PGM3: variants seen among roughly 807,000 people sequenced by gnomAD.
PGM3 encodes phosphoacetylglucosamine mutase.
PGM3 carries 40 observed loss-of-function variants against 66.2 expected under a neutral mutation model. The observed-to-expected ratio is 0.60, with a 90% CI of 0.47 to 0.79. The LOEUF (loss-of-function observed/expected upper bound fraction) is 0.79. Among genes scored for constraint, PGM3 ranks in the 30% least tolerant of loss-of-function variants. The pLI is 0.00. For synonymous variants in PGM3, 191 were observed against 224.2 expected, an observed-to-expected ratio of 0.85 and a Z score of 1.32; for missense variants, 537 against 643.4, an observed-to-expected ratio of 0.83 and a Z score of 1.79.
At chr6:83,172,677 C>CA (rs1409088966) in intron 10 of PGM3, among the ~76,000 whole-genome samples, 108 of 151,824 alleles carry the variant, frequency 7.1e-4, no homozygotes, top group African/African-American at 2.5e-3. Flanking sequence ...ACAACAACAA[C>CA]AACAAAAAAA....
At chr6:83,179,380 T>G (rs151221645) in intron 7 of PGM3, among the ~76,000 whole-genome samples, 1 of 152,124 alleles carries the variant, frequency 6.6e-6, no homozygotes, top group African/African-American at 2.4e-5. Context: ...AATTTCCAAT[T>G]ACATTGTGTA....
rs1786201086 is a variant in PGM3 at position 83,167,887 on chromosome 6, G to A, written c.*1347C>T. On this transcript the variant is annotated 3_prime_UTR_variant, in exon 13 of 13. Coordinates refer to ENST00000513973, the MANE Select transcript of PGM3 (RefSeq NM_015599.3). ...AAAAATCCAGAGGAAGACAACTCAG[G>A]GAGAACATTGGGTTGGGAGCCAGGG... is the stretch of plus-strand genomic sequence containing the variant. 1 of 1,611,294 alleles carries A rather than the reference G, an allele frequency of 6.2e-7. No homozygotes were observed. The highest frequency in any genetic ancestry group is 1.3e-5 in the African/African-American group (1 of 74,964).
Position 83,179,931 on chromosome 6 carries a change from A to G in PGM3, c.824T>C (p.Phe275Ser). ...AACAATTCTGTCTGCATCTCCATCAAAAGAACAGCATCTTTCATTGGACTT... is the reference window on the plus strand; with the variant it reads ...AACAATTCTGTCTGCATCTCCATCAGAAGAACAGCATCTTTCATTGGACTT... ...EIKSNERCCS[F>S]DGDADRIVYY... is the part of the protein sequence containing the mutation. The change falls in exon 7 of 13, where the codon TTT becomes TCT. Residue 275 changes from phenylalanine (F) to serine (S), a missense_variant. Coordinates refer to ENST00000513973, the MANE Select transcript of PGM3 (RefSeq NM_015599.3). The G allele has an allele frequency of 6.2e-7, 1 of 1,611,694 alleles. No individual in the cohort carries two copies. The highest frequency in any genetic ancestry group is 8.5e-7 in the Non-Finnish European group (1 of 1,178,638).
At position 83,182,931 on chromosome 6, in the gene PGM3, G is replaced by C. The variant is rs142161221; in HGVS notation, c.505C>G (p.Arg169Gly). Reference protein sequence around the residue: ...TPQLHYMVYCRNTGGRYGKAT... With the variant: ...TPQLHYMVYCGNTGGRYGKAT... ...TTTCCATATCGGCCACCCGTGTTTCGACAATACACCATGTAGTGCAGCTGG... is the reference window on the plus strand; with the variant it reads ...TTTCCATATCGGCCACCCGTGTTTCCACAATACACCATGTAGTGCAGCTGG... Residue 169 changes from arginine to glycine, a missense_variant, in exon 5 of 13, where the codon CGA becomes GGA. By Grantham distance (125) the Arg-to-Gly change is moderately radical. Transcript: ENST00000513973. 5.0e-6 allele frequency: 8 copies of C among 1,613,684 alleles called. No homozygotes were observed. The Admixed American group carries it at 5.0e-5, about 10-fold the overall frequency.
At position 83,178,730 on chromosome 6, in the gene PGM3, A is replaced by G. The variant is rs2128493783; in HGVS notation, c.972T>C (p.Val324=). 6.3e-7 allele frequency: 1 copy of G among 1,595,752 alleles called. No individual in the cohort carries two copies. Among genetic ancestry groups the G allele is most frequent in the Admixed American group, 1.7e-5 (1 of 60,004 alleles). ...VEIGESLNIG[V]VQTAYANGSS... ...TTCCATTTGCATATGCAGTTTGTAC[A>G]ACACCAATATTCAAACTTTCTCCAA... The change falls in exon 8 of 13, where the codon GTT becomes GTC. Residue 324 remains valine (V), a synonymous_variant. Coordinates refer to ENST00000513973, the MANE Select transcript of PGM3 (RefSeq NM_015599.3).
At chr6:83,178,899 T>C (rs1029444630) in intron 7 of PGM3, 143 bp from the exon 8 acceptor site, 3 of 631,984 alleles carry the variant, frequency 4.7e-6, no homozygotes, top group Non-Finnish European at 8.5e-6. Context: ...ACTGAAAATT[T>C]ACATGTATGC....
chr6:83,152,416 A>G, the PGM3 span: 2 of 871,874 alleles, frequency 2.3e-6, no homozygotes, highest in South Asian at 2.7e-5. Context: ...CTGTTTCATT[A>G]TTAAAAATTA....
At chr6:83,159,790 T>G, downstream of PGM3, 1 of 1,614,110 alleles carries the variant, frequency 6.2e-7, no homozygotes, top group Non-Finnish European at 8.5e-7. Context: ...TGTCTCCTGC[T>G]TACAGGACTT....
Position 83,190,857 on chromosome 6 carries a change from C to T in PGM3, c.156G>A (p.Gln52=). Residue 52 remains glutamine, a synonymous_variant, in exon 2 of 13, where the codon CAG becomes CAA. Transcript: ENST00000513973. Reference sequence around the variant, plus strand: ...CCATGACTCCTATAGTGGATTTTGTCTGTTTTGACCTCAGGACAGCTAATA... The same window carrying T: ...CCATGACTCCTATAGTGGATTTTGTTTGTTTTGACCTCAGGACAGCTAATA... ...MGLLAVLRSK[Q]TKSTIGVMVT... is the part of the protein sequence containing the mutation. 6.2e-7 allele frequency: 1 copy of T among 1,614,074 alleles called. No homozygotes were observed. Among genetic ancestry groups the T allele is most frequent in the Non-Finnish European group, 8.5e-7 (1 of 1,180,008 alleles).
rs372905610 is a variant in PGM3 at position 83,170,399 on chromosome 6, T to C, written c.1445A>G (p.Asn482Ser). 9 of 1,614,036 alleles carry C rather than the reference T, an allele frequency of 5.6e-6. No individual in the cohort carries two copies. The highest frequency in any genetic ancestry group is 2.7e-5 in the African/African-American group (2 of 74,926). The change falls in exon 12 of 13, where the codon AAT becomes AGT. Residue 482 changes from asparagine to serine, a missense_variant. Asn to Ser is a conservative substitution (Grantham distance 46, BLOSUM62 1). Coordinates refer to ENST00000513973, the MANE Select transcript of PGM3 (RefSeq NM_015599.3). The stretch of plus-strand genomic sequence containing the variant: ...AAGCTTGTACTTCTTCACCAGGTCA[T>C]TGATTGCCTCCTGTAATCCTGGGGG... ...VTPPGLQEAI[N>S]DLVKKYKLSR...
the PGM3 span, chr6:83,153,708 T>C: frequency 8.1e-7 from 1 of 1,240,044 alleles, no homozygotes. Flanking sequence ...TCTAGAATTA[T>C]CATAAAATGG....
At chr6:83,154,765 T>C in the PGM3 span, among the ~76,000 whole-genome samples, 1 of 152,154 alleles carries the variant, frequency 6.6e-6, no homozygotes, top group Non-Finnish European at 1.5e-5. Flanking sequence ...ATTGTTTTTA[T>C]AGTTTAGGAT....
At chr6:83,152,111 C>T in the PGM3 span, 1 of 1,490,496 alleles carries the variant, frequency 6.7e-7, no homozygotes, top group Non-Finnish European at 9.2e-7. Flanking sequence ...ACTATAAGTA[C>T]CACAAATTTA....
At chr6:83,158,915 G>A (rs1783498200), downstream of PGM3, among the ~76,000 whole-genome samples, 1 of 152,162 alleles carries the variant, frequency 6.6e-6, no homozygotes, top group African/African-American at 2.4e-5. Context: ...TCTGGTCTCT[G>A]AAACATTGCA....
chr6:83,174,202 A>C lies in PGM3; in HGVS notation c.1242+172T>G, dbSNP rs368636184. The stretch of plus-strand genomic sequence containing the variant: ...TAGGGGAAGGGAAGCATATTAAAAA[A>C]TGTTCTGTCATTCCATTTCATTATA... On this transcript the variant is annotated intron_variant, in intron 10 of 12. Transcript: ENST00000513973. 1.3e-4 allele frequency among the ~76,000 whole-genome samples: 20 copies of C among 152,330 alleles called. No individual in the cohort carries two copies. In the South Asian group the frequency reaches 4.1e-3, roughly 32 times the overall value.
chr6:83,165,431 G>A lies in PGM3; in HGVS notation c.*3803C>T, dbSNP rs1785236008. 6.6e-6 allele frequency: 1 copy of A among 152,528 alleles called. No homozygotes were observed. The highest frequency in any genetic ancestry group is 2.4e-5 in the African/African-American group (1 of 41,388). 9.4% of individuals were successfully genotyped at this position (152,528 alleles called of 1,614,324 possible). A position where few individuals can be genotyped will look rare whatever the true frequency, so the allele number is the denominator to read the frequency against. On this transcript the variant is annotated 3_prime_UTR_variant, in exon 13 of 13. Transcript: ENST00000513973. ...CATTTTAACTTATATTTTTAGTTTGGTGCAAAAGTAATTGCTGTTTGGGAC... is the reference window on the plus strand; with the variant it reads ...CATTTTAACTTATATTTTTAGTTTGATGCAAAAGTAATTGCTGTTTGGGAC...
At chr6:83,150,024 A>C in the PGM3 span, among the ~76,000 whole-genome samples, 2 of 152,238 alleles carry the variant, frequency 1.3e-5, no homozygotes, top group Non-Finnish European at 2.9e-5. Context: ...ATGTGTTAAC[A>C]GCAAATGCTT....
intron 11 of PGM3, 92 bp downstream of exon 11, chr6:83,171,845 G>GA (rs1233184060): frequency 2.2e-5 from 23 of 1,024,536 alleles, no homozygotes; most frequent in Non-Finnish European, 3.3e-5. Flanking sequence ...AATGAAATAG[G>GA]AAACATATGT....
chr6:83,175,828 T>C (rs763982226), intron 9 of PGM3, 134 bp downstream of exon 9: 10 of 579,824 alleles, frequency 1.7e-5, no homozygotes, highest in Non-Finnish European at 2.2e-5. Context: ...ATATATAAGA[T>C]AACCAAAGGA....
Sources: gnomAD v4.1 joint callset for allele counts (sites outside exome capture counted in the v4.1 genomes callset) on GRCh38, gnomAD v4.1.1 for gene constraint, MANE v1.5 for transcripts, NCBI Gene and HGNC (gene_info 2026-07-23, HGNC 2026-07-21) for gene names.